PLCE1: variants seen among roughly 807,000 people sequenced by gnomAD.
The protein encoded by PLCE1 is phospholipase C epsilon 1.
Under a neutral mutation model 242.8 loss-of-function variants are expected in PLCE1, and 119 were observed. The observed-to-expected ratio is 0.49, with a 90% CI of 0.42 to 0.57. PLCE1 has a LOEUF of 0.57. Among genes scored for constraint, PLCE1 ranks in the 20% least tolerant of loss-of-function variants. The pLI is 0.00. For synonymous variants in PLCE1, 945 were observed against 1,017.4 expected, an observed-to-expected ratio of 0.93 and a Z score of 1.35; for missense variants, 2,441 against 2,788.8, an observed-to-expected ratio of 0.88 and a Z score of 2.81.
intron 7 of PLCE1, among the ~76,000 whole-genome samples, chr10:94,240,731 A>G (rs1037612617): frequency 1.3e-5 from 2 of 152,160 alleles, no homozygotes; most frequent in African/African-American, 4.8e-5. Context: ...TTAGACAAGT[A>G]TTTATCTGTC....
At chr10:94,096,601 CAT>C (rs1191021636) in intron 2 of PLCE1, among the ~76,000 whole-genome samples, 1 of 152,186 alleles carries the variant, frequency 6.6e-6, no homozygotes, top group Non-Finnish European at 1.5e-5. Flanking sequence ...CCTCCCAAGA[CAT>C]GTGGGGATTA....
intron 2 of PLCE1, among the ~76,000 whole-genome samples, chr10:94,091,864 A>C (rs2045087990): frequency 6.6e-6 from 1 of 152,238 alleles, no homozygotes; most frequent in Admixed American, 6.5e-5. Context: ...GCTAAAAAAA[A>C]ATCAGGCCAA....
rs550674739 is a variant in PLCE1, at chr10:94,036,018, T to C, written c.1206+3766T>C. Among the ~76,000 whole-genome samples the C allele has an allele frequency of 3.3e-5, 5 of 152,334 alleles. No homozygotes were observed. The South Asian group carries it at 8.3e-4, about 25-fold the overall frequency. On this transcript the variant is annotated intron_variant, in intron 2 of 32. Transcript: ENST00000371380. ...TATACAGAGAATAAGGGCAATGTAA[T>C]GGTTACAAATACAGTCTCTGGAGTC...
chr10:94,149,868 G>A (rs970348911), intron 3 of PLCE1, among the ~76,000 whole-genome samples: 5 of 152,138 alleles, frequency 3.3e-5, no homozygotes, highest in Admixed American at 6.5e-5. Context: ...GTCCCTTCAG[G>A]TGAAGGGATT....
intron 2 of PLCE1, among the ~76,000 whole-genome samples, chr10:94,079,311 T>A (rs2135212373): frequency 6.6e-6 from 1 of 152,274 alleles, no homozygotes; most frequent in East Asian, 1.9e-4. Context: ...GAGAAAACAT[T>A]AATGTCCTCT....
rs374609103 is a variant in PLCE1 at position 94,111,115 on chromosome 10, TG to T, written c.1207-21056del. ...TGGGAGACTCAGCAAGAGGTGGCAG[TG>T]GGTATTCAGTTGTACACAGCAATGG... On this transcript the variant is annotated intron_variant, in intron 2 of 32. Transcript: ENST00000371380. 3.9e-5 allele frequency among the ~76,000 whole-genome samples: 6 copies of T among 152,256 alleles called. No homozygotes were observed. The East Asian group carries it at 1.2e-3, about 29-fold the overall frequency.
chr10:94,090,282 A>G (rs978897403), intron 2 of PLCE1, among the ~76,000 whole-genome samples: 21 of 152,346 alleles, frequency 1.4e-4, no homozygotes, highest in African/African-American at 4.6e-4. Flanking sequence ...AATTCAAGCT[A>G]TGAAGACTAC....
chr10:94,186,228 T>G (rs12244826), intron 4 of PLCE1, among the ~76,000 whole-genome samples: 16,491 of 152,198 alleles, frequency 0.11, 1,858 homozygotes, highest in African/African-American at 0.29. Context: ...CTTCCTTCTC[T>G]CAATTGGGTA....
chr10:94,062,594 G>T (rs79643875), intron 2 of PLCE1, among the ~76,000 whole-genome samples: 1,097 of 65,802 alleles, frequency 0.017, 9 homozygotes, highest in African/African-American at 0.058. Flanking sequence ...TTTTTTTTTT[G>T]TTTTGTTTTG....
chr10:94,089,888 C>T (rs1440641175), intron 2 of PLCE1, among the ~76,000 whole-genome samples: 2 of 151,432 alleles, frequency 1.3e-5, no homozygotes, highest in Non-Finnish European at 2.9e-5. Flanking sequence ...AGTTTTTTTT[C>T]TAAGAGGAAA....
intron 6 of PLCE1, among the ~76,000 whole-genome samples, chr10:94,235,062 TCACA>T (rs3222767): frequency 5.1e-4 from 69 of 135,532 alleles, no homozygotes; most frequent in African/African-American, 8.0e-4. Flanking sequence ...TACTGACCTT[TCACA>T]CACACACACA....
intron 2 of PLCE1, among the ~76,000 whole-genome samples, chr10:94,069,342 G>A (rs1409138806): frequency 6.6e-6 from 1 of 152,188 alleles, no homozygotes; most frequent in African/African-American, 2.4e-5. Flanking sequence ...GTTCATGCCT[G>A]TAATTCCAGC....
Position 94,324,329 on chromosome 10 carries a change from G to C in PLCE1, c.6502-20G>C. The C allele has an allele frequency of 6.3e-7, 1 of 1,577,844 alleles. No homozygotes were observed. On this transcript the variant is annotated intron_variant, in intron 30 of 32. Transcript: ENST00000371380. ...GGAGATTCTGTGTCTTTATTCAGTTGATCATAACTTACCTTTCAGACCTTA... is the reference window on the plus strand; with the variant it reads ...GGAGATTCTGTGTCTTTATTCAGTTCATCATAACTTACCTTTCAGACCTTA...
chr10:94,245,251 C>T (rs947438148), intron 7 of PLCE1, among the ~76,000 whole-genome samples: 2 of 152,090 alleles, frequency 1.3e-5, no homozygotes, highest in African/African-American at 4.8e-5. Flanking sequence ...TCGGTTTCCT[C>T]ATAGGTAGAA....
At chr10:94,245,813 T>G in intron 7 of PLCE1, 133 bp from the exon 8 acceptor site, 2 of 771,190 alleles carry the variant, frequency 2.6e-6, no homozygotes, top group Non-Finnish European at 2.2e-6. Context: ...GTGTGCTATT[T>G]AGTATTTTGT....
chr10:94,258,027 C>T (rs2051163120), intron 11 of PLCE1, among the ~76,000 whole-genome samples: 1 of 152,160 alleles, frequency 6.6e-6, no homozygotes, highest in Non-Finnish European at 1.5e-5. Flanking sequence ...TGTTGTGAAA[C>T]AGTAAGTCTG....
intron 7 of PLCE1, among the ~76,000 whole-genome samples, chr10:94,240,935 C>T (rs1041385071): frequency 2.6e-5 from 4 of 152,126 alleles, no homozygotes; most frequent in Non-Finnish European, 5.9e-5. Flanking sequence ...AACATTCCAC[C>T]TTATCCCTTC....
intron 4 of PLCE1, among the ~76,000 whole-genome samples, chr10:94,221,662 G>A (rs1436234482): frequency 6.6e-6 from 1 of 152,146 alleles, no homozygotes; most frequent in East Asian, 1.9e-4. Flanking sequence ...TTGAACCCAG[G>A]AGGCGGAGAT....
Position 94,276,486 on chromosome 10 carries a change from CA to C in PLCE1, c.4665+2767del, listed in dbSNP as rs1486608065. Among the ~76,000 whole-genome samples the C allele has an allele frequency of 5.3e-5, 8 of 152,218 alleles. No individual in the cohort carries two copies. The South Asian group carries it at 1.5e-3, about 28-fold the overall frequency. On this transcript the variant is annotated intron_variant, in intron 19 of 32. Coordinates refer to ENST00000371380, the MANE Select transcript of PLCE1 (RefSeq NM_016341.4). ...ATCTGACTGACTAAGTCAGAATTTC[CA>C]GAAGAAAGGCCTGGTCATCTGTTTA...
Sources: allele counts gnomAD v4.1 joint callset (sites outside exome capture counted in the v4.1 genomes callset), GRCh38; gene constraint gnomAD v4.1.1; transcripts MANE v1.5; gene names NCBI Gene and HGNC (gene_info 2026-07-23, HGNC 2026-07-21).